CSMD3: variants seen among roughly 807,000 people sequenced by gnomAD.
CSMD3 encodes CUB and Sushi multiple domains 3, also known as CUB and sushi domain-containing protein 3.
A neutral mutation model predicts 435.2 loss-of-function variants in CSMD3; 177 were observed. That is an observed-to-expected ratio of 0.41 (90% confidence interval 0.36 to 0.46). The LOEUF is 0.46. CSMD3 is among the 20% of genes least tolerant of loss of function. CSMD3 has a pLI of 0.34. For synonymous variants in CSMD3, 1,656 were observed against 1,520.5 expected (o/e 1.09, Z -2.07); for missense variants, 4,265 against 4,504.6 (o/e 0.95, Z 1.52).
At chr8:113,057,507 A>G (rs2088397407) in intron 5 of CSMD3, among the ~76,000 whole-genome samples, 1 of 152,070 alleles carries the variant, frequency 6.6e-6, no homozygotes, top group Admixed American at 6.5e-5. Flanking sequence ...AAAATTTACC[A>G]GAACATAAAT....
Position 112,549,810 on chromosome 8 carries a change from C to T in CSMD3, c.4564+861G>A, listed in dbSNP as rs143589109. Among the ~76,000 whole-genome samples, 7 of 152,008 alleles carry T rather than the reference C, an allele frequency of 4.6e-5. No individual in the cohort carries two copies. In the East Asian group the frequency reaches 9.7e-4, roughly 21 times the overall value. On this transcript the variant is annotated intron_variant, in intron 27 of 70. Coordinates refer to ENST00000297405, the MANE Select transcript of CSMD3 (RefSeq NM_198123.2). ...AACCCAGTATCGGGTCACTAGGTAA[C>T]GTGCCCAAAATTAGCAGTTAGTAAA... is the stretch of plus-strand genomic sequence containing the variant.
intron 63 of CSMD3, among the ~76,000 whole-genome samples, chr8:112,252,679 G>GTATATATATATATA (rs10542301): frequency 7.1e-6 from 1 of 141,440 alleles, no homozygotes; most frequent in Admixed American, 7.2e-5. Flanking sequence ...ATGTGTGTGT[G>GTATATATATATATA]TATATATATA....
At chr8:113,266,138 C>T (rs2093468714) in intron 3 of CSMD3, among the ~76,000 whole-genome samples, 1 of 146,720 alleles carries the variant, frequency 6.8e-6, no homozygotes, top group South Asian at 2.1e-4. Flanking sequence ...GATACTGCCA[C>T]TTAGATTTTT....
intron 1 of CSMD3, among the ~76,000 whole-genome samples, chr8:113,375,360 G>C (rs1396989295): frequency 6.6e-6 from 1 of 152,088 alleles, no homozygotes; most frequent in Non-Finnish European, 1.5e-5. Flanking sequence ...GCTAATGTCT[G>C]CCAAGAGCAT....
intron 2 of CSMD3, chr8:113,312,775 T>C (rs2093879188): frequency 6.6e-6 from 1 of 152,206 alleles, no homozygotes; most frequent in Non-Finnish European, 1.5e-5. Flanking sequence ...CAGCTTTTAA[T>C]GACAGTGGCA....
At position 112,947,683 on chromosome 8, in the gene CSMD3, T is replaced by G. The variant is rs140594238; in HGVS notation, c.1508+107A>C. ...ATAACAATACATTGATAAAATGCAG[T>G]TTGATGCCACTAAGACTTCATCTTT... On this transcript the variant is annotated intron_variant, in intron 9 of 70. Transcript: ENST00000297405. The G allele has an allele frequency of 4.2e-4, 256 of 612,936 alleles. 3 individuals are homozygous for G. The East Asian group carries it at 7.2e-3, about 17-fold the overall frequency. 38.0% of individuals were successfully genotyped at this position (612,936 alleles called of 1,614,324 possible).
intron 13 of CSMD3, among the ~76,000 whole-genome samples, chr8:112,768,316 A>G (rs1321214925): frequency 1.3e-5 from 2 of 151,998 alleles, no homozygotes; most frequent in Non-Finnish European, 2.9e-5. Context: ...CGTAAAAACT[A>G]AAAAACAGTG....
intron 22 of CSMD3, among the ~76,000 whole-genome samples, chr8:112,605,669 A>C (rs1024330949): frequency 6.9e-6 from 1 of 144,440 alleles, no homozygotes; most frequent in Admixed American, 6.9e-5. Context: ...AAAAAAAAAA[A>C]CTACCTATTA....
At chr8:112,799,872 C>A (rs2078920251) in intron 13 of CSMD3, among the ~76,000 whole-genome samples, 1 of 151,760 alleles carries the variant, frequency 6.6e-6, no homozygotes, top group South Asian at 2.1e-4. Flanking sequence ...AATCACATGT[C>A]TATTTTGGGG....
At chr8:113,301,376 C>T (rs546969583) in intron 2 of CSMD3, among the ~76,000 whole-genome samples, 19 of 151,838 alleles carry the variant, frequency 1.3e-4, no homozygotes, top group Non-Finnish European at 1.9e-4. Context: ...AAAGAGTTAA[C>T]GCTAGTATTC....
chr8:112,402,935 T>G (rs191580833), intron 35 of CSMD3, among the ~76,000 whole-genome samples: 1 of 152,260 alleles, frequency 6.6e-6, no homozygotes, highest in Non-Finnish European at 1.5e-5. Flanking sequence ...AGTCAATGTA[T>G]TGTGTTGTAT....
intron 13 of CSMD3, among the ~76,000 whole-genome samples, chr8:112,789,734 A>T (rs187095974): frequency 8.6e-4 from 131 of 152,072 alleles, no homozygotes; most frequent in African/African-American, 3.1e-3. Flanking sequence ...TAATTTTAGG[A>T]TTTTCTATAG....
At chr8:113,372,607 T>C (rs1588619053) in intron 1 of CSMD3, among the ~76,000 whole-genome samples, 1 of 152,278 alleles carries the variant, frequency 6.6e-6, no homozygotes, top group Non-Finnish European at 1.5e-5. Flanking sequence ...GTAATCTGAT[T>C]GCTTTATTTT....
intron 4 of CSMD3, among the ~76,000 whole-genome samples, chr8:113,115,942 C>T (rs1238937410): frequency 1.3e-5 from 2 of 152,026 alleles, no homozygotes; most frequent in African/African-American, 4.8e-5. Flanking sequence ...GCTTATTCTC[C>T]CCTTCCTCTA....
chr8:113,253,530 T>G (rs1439082155), intron 3 of CSMD3, among the ~76,000 whole-genome samples: 1 of 151,988 alleles, frequency 6.6e-6, no homozygotes, highest in Non-Finnish European at 1.5e-5. Flanking sequence ...TCCCTCCACT[T>G]CATTCAACTC....
chr8:113,278,649 G>C lies in CSMD3; in HGVS notation c.457C>G (p.Leu153Val), dbSNP rs2132459062. 2 of 1,605,008 alleles carry C rather than the reference G, an allele frequency of 1.2e-6. No individual in the cohort carries two copies. Among genetic ancestry groups the C allele is most frequent in the Non-Finnish European group, 1.7e-6 (2 of 1,172,124 alleles). Residue 153 changes from leucine to valine, a missense_variant, in exon 3 of 71, where the codon CTA (leucine) becomes GTA (valine). Leu to Val is a conservative substitution (Grantham distance 32). This residue lies in a region of CSMD3 where 731 missense variants were observed against 755.4 expected (regional missense o/e 0.97). Transcript: ENST00000297405. ...ACTGCAAAATCACTGGTCAAACGTA[G>C]TGAGAACACAGATTTGGTACTTGTC... ...PVTSTKSVFS[L>V]RLTSDFAVSA... is the part of the protein sequence containing the mutation.
intron 44 of CSMD3, among the ~76,000 whole-genome samples, chr8:112,335,886 A>C (rs1824511390): frequency 6.6e-6 from 1 of 152,022 alleles, no homozygotes; most frequent in African/African-American, 2.4e-5. Flanking sequence ...TTAATTATTA[A>C]TTCAGATACT....
At chr8:112,346,311 G>T in intron 40 of CSMD3, 98 bp from the exon 41 acceptor site, 1 of 784,508 alleles carries the variant, frequency 1.3e-6, no homozygotes, top group Non-Finnish European at 2.3e-6. Flanking sequence ...AAGGCTCTGA[G>T]TTAAAACTGA....
intron 30 of CSMD3, among the ~76,000 whole-genome samples, chr8:112,498,646 GT>G (rs1821615854): frequency 2.0e-5 from 3 of 152,052 alleles, no homozygotes; most frequent in Admixed American, 2.0e-4. Flanking sequence ...ATTTGGAAAT[GT>G]TTTATTAATA....
Sources: gnomAD v4.1 joint callset for allele counts (sites outside exome capture counted in the v4.1 genomes callset) on GRCh38, gnomAD v4.1.1 for gene constraint, gnomAD v4.1.1 regional missense constraint, MANE v1.5 for transcripts, NCBI Gene and HGNC (gene_info 2026-07-23, HGNC 2026-07-21) for gene names.